The following NPSR1 variants were observed in gnomAD, a reference collection of about 807,000 sequenced individuals.
NPSR1 encodes the protein neuropeptide S receptor 1, also known as neuropeptide S receptor.
Under a neutral mutation model 46.9 loss-of-function variants are expected in NPSR1, and 48 were observed. The observed-to-expected ratio is 1.02, with a 90% CI of 0.81 to 1.30. The LOEUF (loss-of-function observed/expected upper bound fraction) is 1.30. Among genes scored for constraint, NPSR1 ranks in the 50% most tolerant of loss-of-function variants. The pLI, the probability that NPSR1 is intolerant of heterozygous loss-of-function variation, is 0.00. For missense variants in NPSR1, 450 were observed against 449.5 expected (o/e 1.00, Z -0.01); for synonymous variants, 176 against 168.1 (o/e 1.05, Z -0.36).
chr7:34,878,297 A>T, exon 9 of NPSR1: 1 of 564,140 alleles, frequency 1.8e-6, no homozygotes, highest in Non-Finnish European at 3.3e-6. Context: ...GATGGCCTGC[A>T]TCAGATTCAC....
intron 4 of NPSR1, among the ~76,000 whole-genome samples, chr7:34,822,301 G>T (rs1789596472): frequency 6.6e-6 from 1 of 152,206 alleles, no homozygotes; most frequent in Admixed American, 6.5e-5. Context: ...AGAAAGAAGA[G>T]ATTCCCCGAG....
chr7:34,718,156 A>T (rs1783667652), intron 2 of NPSR1, among the ~76,000 whole-genome samples: 1 of 152,232 alleles, frequency 6.6e-6, no homozygotes, highest in African/African-American at 2.4e-5. Context: ...AAAATTCTTT[A>T]AAAATATTAT....
At chr7:34,658,595 A>G (rs1325857200) in intron 1 of NPSR1, 36 bp downstream of exon 1, 2 of 1,599,148 alleles carry the variant, frequency 1.3e-6, no homozygotes, top group Non-Finnish European at 1.7e-6. Flanking sequence ...ACACTGACTT[A>G]TAACAATGAG....
intron 5 of NPSR1, 93 bp downstream of exon 5, chr7:34,827,695 A>G (rs1056817970): frequency 1.1e-6 from 1 of 871,652 alleles, no homozygotes; most frequent in Non-Finnish European, 1.8e-6. Flanking sequence ...CAACAGACCC[A>G]TTTTTCCTAG....
chr7:34,804,146 A>G (rs943223784), intron 3 of NPSR1, among the ~76,000 whole-genome samples: 4 of 152,122 alleles, frequency 2.6e-5, no homozygotes, highest in African/African-American at 7.2e-5. Flanking sequence ...TAATTCATAT[A>G]CTTGCTGACT....
intron 2 of NPSR1, among the ~76,000 whole-genome samples, chr7:34,713,798 C>T (rs80355083): frequency 6.6e-5 from 10 of 152,186 alleles, no homozygotes; most frequent in Non-Finnish European, 1.2e-4. Context: ...CCAGGCCTGT[C>T]CCGGATCCCT....
At chr7:34,760,226 T>C (rs1038789521) in intron 2 of NPSR1, among the ~76,000 whole-genome samples, 6 of 152,242 alleles carry the variant, frequency 3.9e-5, no homozygotes, top group African/African-American at 1.2e-4. Flanking sequence ...CTAGGACTTA[T>C]GTTAAGACAC....
chr7:34,766,160 T>A (rs1786420786), intron 2 of NPSR1, among the ~76,000 whole-genome samples: 1 of 152,164 alleles, frequency 6.6e-6, no homozygotes, highest in Non-Finnish European at 1.5e-5. Context: ...TCACTACATA[T>A]CTAGTAGAAC....
At chr7:34,773,256 T>C (rs925544546) in intron 2 of NPSR1, among the ~76,000 whole-genome samples, 2 of 152,180 alleles carry the variant, frequency 1.3e-5, no homozygotes, top group African/African-American at 4.8e-5. Flanking sequence ...TACCTTTAAG[T>C]GGCACTTCAT....
chr7:34,863,158 T>G (rs1411793711), intron 8 of NPSR1, among the ~76,000 whole-genome samples: 1 of 151,794 alleles, frequency 6.6e-6, no homozygotes, highest in African/African-American at 2.4e-5. Flanking sequence ...TAAATTGTGT[T>G]GGGGAAATAG....
At chr7:34,784,732 A>G (rs1225346925) in intron 3 of NPSR1, among the ~76,000 whole-genome samples, 1 of 152,034 alleles carries the variant, frequency 6.6e-6, no homozygotes, top group African/African-American at 2.4e-5. Flanking sequence ...CTCTTTTTCT[A>G]TTGATTGGAA....
intron 2 of NPSR1, among the ~76,000 whole-genome samples, chr7:34,730,943 A>G (rs1057078310): frequency 6.6e-6 from 1 of 152,218 alleles, no homozygotes; most frequent in Non-Finnish European, 1.5e-5. Context: ...GGGGCAGGAG[A>G]GAATATAGTA....
intron 2 of NPSR1, among the ~76,000 whole-genome samples, chr7:34,723,023 GA>G (rs1432570551): frequency 1.3e-5 from 2 of 152,152 alleles, no homozygotes; most frequent in East Asian, 3.9e-4. Flanking sequence ...CACCAAATTC[GA>G]ATAAACATTT....
intron 1 of NPSR1, among the ~76,000 whole-genome samples, chr7:34,666,874 G>C (rs946160726): frequency 6.6e-6 from 1 of 152,098 alleles, no homozygotes; most frequent in African/African-American, 2.4e-5. Context: ...ATTCAGACTA[G>C]ATTGTATGGT....
chr7:34,827,363 G>A, intron 4 of NPSR1, 38 bp from the exon 5 acceptor site: 1 of 1,593,508 alleles, frequency 6.3e-7, no homozygotes, highest in Non-Finnish European at 8.6e-7. Flanking sequence ...AAAAATGGTT[G>A]CCACATACCC....
chr7:34,685,223 T>C (rs1001037388), intron 2 of NPSR1, among the ~76,000 whole-genome samples: 2 of 152,150 alleles, frequency 1.3e-5, no homozygotes, highest in African/African-American at 4.8e-5. Context: ...GAAATGACCA[T>C]TCAGTAGAAG....
At chr7:34,763,115 C>A (rs10486657) in intron 2 of NPSR1, among the ~76,000 whole-genome samples, 1 of 151,964 alleles carries the variant, frequency 6.6e-6, no homozygotes, top group African/African-American at 2.4e-5. Flanking sequence ...TTGCCAGGCA[C>A]TATGAAAAAA....
chr7:34,701,630 A>T (rs1275903287), intron 2 of NPSR1, among the ~76,000 whole-genome samples: 1 of 152,196 alleles, frequency 6.6e-6, no homozygotes, highest in African/African-American at 2.4e-5. Flanking sequence ...AACCTAGGAG[A>T]GTACAGGGAA....
At chr7:34,837,015 A>C (rs1790400851) in intron 6 of NPSR1, among the ~76,000 whole-genome samples, 1 of 152,176 alleles carries the variant, frequency 6.6e-6, no homozygotes, top group Non-Finnish European at 1.5e-5. Context: ...ACTTAGCGGA[A>C]TATATATGTG....
Sources: gnomAD v4.1 joint callset for allele counts (sites outside exome capture counted in the v4.1 genomes callset) on GRCh38, gnomAD v4.1.1 for gene constraint, MANE v1.5 for transcripts, NCBI Gene and HGNC (gene_info 2026-07-23, HGNC 2026-07-21) for gene names.